The following AFMID variants were observed in gnomAD, a reference collection of about 807,000 sequenced individuals.
AFMID encodes kynurenine formamidase.
In AFMID, 39 loss-of-function variants were observed where a neutral mutation model predicts 47.5. That is an observed-to-expected ratio of 0.82 (90% CI 0.64 to 1.07). The LOEUF is 1.07. Ranked by LOEUF, AFMID falls within the 50% of genes least tolerant of loss-of-function variation. AFMID has a pLI of 0.00. For missense variants in AFMID, 375 were observed against 387.5 expected (o/e 0.97, Z 0.27); for synonymous variants, 130 against 153.2 (o/e 0.85, Z 1.12).
intron 2 of AFMID, among the ~76,000 whole-genome samples, chr17:78,196,446 AGG>A (rs60304951): frequency 4.6e-5 from 7 of 152,118 alleles, no homozygotes; most frequent in Admixed American, 4.6e-4. Context: ...GGGAGGCCAG[AGG>A]GGGGCAGATC....
intron 2 of AFMID, among the ~76,000 whole-genome samples, chr17:78,195,162 G>T (rs1030651541): frequency 1.3e-5 from 2 of 151,830 alleles, no homozygotes; most frequent in Non-Finnish European, 2.9e-5. Context: ...GAGGAATGGG[G>T]AGTGAGTGTT....
At position 78,198,510 on chromosome 17, in the gene AFMID, C is replaced by T. The variant is rs193124937; in HGVS notation, c.155-3989C>T. Among the ~76,000 whole-genome samples, 63 of 151,262 alleles carry T rather than the reference C, an allele frequency of 4.2e-4. 1 individual carries two copies. The highest frequency in any genetic ancestry group is 2.2e-3 in the Admixed American group (34 of 15,168). ...GTAATCCCAGTTACTTGGGAGGCTG[C>T]GGCAGGAGAATCGCTTGAACCCAGG... On this transcript the variant is annotated intron_variant, in intron 2 of 10. Transcript: ENST00000409257.
intron 2 of AFMID, among the ~76,000 whole-genome samples, chr17:78,196,210 CAA>C (rs1032577688): frequency 7.2e-5 from 11 of 151,948 alleles, no homozygotes; most frequent in Non-Finnish European, 1.6e-4. Flanking sequence ...ACTAAAAACA[CAA>C]AAAGTAGCCA....
At chr17:78,199,729 C>A (rs760893554) in intron 2 of AFMID, among the ~76,000 whole-genome samples, 1 of 152,178 alleles carries the variant, frequency 6.6e-6, no homozygotes, top group Non-Finnish European at 1.5e-5. Flanking sequence ...CAGGGGGCCT[C>A]CAGGGACAGG....
intron 2 of AFMID, among the ~76,000 whole-genome samples, chr17:78,200,418 A>G (rs2076217524): frequency 6.6e-6 from 1 of 152,118 alleles, no homozygotes; most frequent in Admixed American, 6.6e-5. Flanking sequence ...CCTCCCTGTA[A>G]CCAGCTGGGA....
Position 78,205,431 on chromosome 17 carries a change from C to G in AFMID, c.566-9C>G. The stretch of plus-strand genomic sequence containing the variant: ...AGCCTGGCCCTGTGACAATTCTGTA[C>G]CTTCACAGGCTTTTTCCTGGTGAGT... On this transcript the variant is annotated splice_polypyrimidine_tract_variant and intron_variant, in intron 7 of 10. Coordinates refer to ENST00000409257, the MANE Select transcript of AFMID (RefSeq NM_001010982.5). 1 of 1,614,046 alleles carries G rather than the reference C, an allele frequency of 6.2e-7. No homozygotes were observed. The highest frequency in any genetic ancestry group is 8.5e-7 in the Non-Finnish European group (1 of 1,179,882).
intron 10 of AFMID, among the ~76,000 whole-genome samples, chr17:78,206,605 C>T (rs1432650024): frequency 6.6e-6 from 1 of 151,764 alleles, no homozygotes; most frequent in African/African-American, 2.4e-5. Flanking sequence ...TGGGGTCTCT[C>T]TATGTTCCCC....
chr17:78,206,323 A>C, intron 10 of AFMID, among the ~76,000 whole-genome samples: 1 of 67,242 alleles, frequency 1.5e-5, no homozygotes, highest in East Asian at 6.7e-4. Context: ...TGAGCGACAG[A>C]GTAAGACTCT....
chr17:78,205,505 C>G lies in AFMID; in HGVS notation c.631C>G (p.Leu211Val), dbSNP rs1219609573. The G allele has an allele frequency of 6.2e-7, 1 of 1,614,088 alleles. No homozygotes were observed. The highest frequency in any genetic ancestry group is 1.3e-5 in the African/African-American group (1 of 74,938). The stretch of plus-strand genomic sequence containing the variant: ...CGTGTATACTTCACAGAACGTTGCT[C>G]TCCAGCTGACCCTGTGAGTTACTTG... ...PIVYTSQNVA[L>V]QLTLEDAQRN... Residue 211 changes from leucine to valine, a missense_variant, in exon 8 of 11, where the codon CTC (leucine) becomes GTC (valine). Transcript: ENST00000409257.
chr17:78,195,625 C>T (rs1341027057), intron 2 of AFMID, among the ~76,000 whole-genome samples: 1 of 151,788 alleles, frequency 6.6e-6, no homozygotes, highest in Non-Finnish European at 1.5e-5. Context: ...GCCTTGGCCT[C>T]CCAAGTAGCT....
intron 1 of AFMID, among the ~76,000 whole-genome samples, 174 bp downstream of exon 1, chr17:78,187,607 C>G (rs1305251955): frequency 6.6e-6 from 1 of 152,020 alleles, no homozygotes; most frequent in East Asian, 1.9e-4. Flanking sequence ...TTTACCTTCT[C>G]CTAAGGATTT....
Position 78,197,337 on chromosome 17 carries a change from G to A in AFMID, c.155-5162G>A, listed in dbSNP as rs958401916. 17 of 805,744 alleles carry A rather than the reference G, an allele frequency of 2.1e-5. No homozygotes were observed. The Middle Eastern group carries it at 2.0e-3, about 95-fold the overall frequency. The allele number at this position is 805,744 out of a possible 1,614,324, so 49.9% of individuals were successfully genotyped here. A position where few individuals can be genotyped will look rare whatever the true frequency, so the allele number is the denominator to read the frequency against. Reference sequence around the variant, plus strand: ...CCCAGAATTCTACCCCTGAGAGTGCGTCCTACAGATGCTTGCAAGTGGTAT... The same window carrying A: ...CCCAGAATTCTACCCCTGAGAGTGCATCCTACAGATGCTTGCAAGTGGTAT... On this transcript the variant is annotated intron_variant, in intron 2 of 10. Transcript: ENST00000409257.
chr17:78,202,459 T>C, intron 2 of AFMID, 40 bp from the exon 3 acceptor site: 3 of 1,591,904 alleles, frequency 1.9e-6, no homozygotes, highest in Non-Finnish European at 2.6e-6. Context: ...TTCTACCACC[T>C]GAGCTTGTGC....
At chr17:78,194,584 A>C (rs2076059651) in intron 2 of AFMID, among the ~76,000 whole-genome samples, 1 of 152,218 alleles carries the variant, frequency 6.6e-6, no homozygotes, top group Admixed American at 6.6e-5. Flanking sequence ...AACAAAGTCT[A>C]ACTGCTGTGT....
intron 1 of AFMID, 82 bp downstream of exon 1, chr17:78,187,515 A>G (rs2075826514): frequency 1.3e-6 from 2 of 1,550,878 alleles, no homozygotes; most frequent in South Asian, 2.2e-5. Context: ...AAGGAAGCTT[A>G]GAAGCCGTCT....
chr17:78,202,337 G>T (rs915340300), intron 2 of AFMID, among the ~76,000 whole-genome samples, 162 bp from the exon 3 acceptor site: 1 of 152,040 alleles, frequency 6.6e-6, no homozygotes, highest in Non-Finnish European at 1.5e-5. Flanking sequence ...GCTGAGGCAG[G>T]AGAATCGCTT....
At position 78,187,572 on chromosome 17, in the gene AFMID, C is replaced by G. The variant is rs562461598; in HGVS notation, c.63+139C>G. 30 of 797,582 alleles carry G rather than the reference C, an allele frequency of 3.8e-5. No homozygotes were observed. In the Admixed American group the frequency reaches 7.2e-4, roughly 19 times the overall value. The allele number at this position is 797,582 out of a possible 1,614,324, so 49.4% of individuals were successfully genotyped here. On this transcript the variant is annotated intron_variant, in intron 1 of 10. Transcript: ENST00000409257. Reference sequence around the variant, plus strand: ...AGAGCGCCTAGTGCGTGCCAGGTCCCCAGTGCTTGAGCACCATGGTGTATT... The same window carrying G: ...AGAGCGCCTAGTGCGTGCCAGGTCCGCAGTGCTTGAGCACCATGGTGTATT...
chr17:78,197,048 C>G, intron 2 of AFMID: 1 of 1,006,826 alleles, frequency 9.9e-7, no homozygotes, highest in Non-Finnish European at 1.5e-6. Context: ...ATAATGAACA[C>G]CTATAGCTGC....
chr17:78,205,273 C>A, intron 7 of AFMID, 83 bp downstream of exon 7: 1 of 1,481,558 alleles, frequency 6.7e-7, no homozygotes, highest in Non-Finnish European at 9.3e-7. Context: ...TTGAAATCCT[C>A]CCGGCCATGA....
Sources: gnomAD v4.1 joint callset for allele counts (sites outside exome capture counted in the v4.1 genomes callset) on GRCh38, gnomAD v4.1.1 for gene constraint, MANE v1.5 for transcripts, NCBI Gene and HGNC (gene_info 2026-07-23, HGNC 2026-07-21) for gene names.